The following GNAL variants were observed in gnomAD, a reference collection of about 807,000 sequenced individuals.
GNAL encodes the protein guanine nucleotide-binding protein G(olf) subunit alpha.
A neutral mutation model predicts 55.1 loss-of-function variants in GNAL; 18 were observed. The ratio of observed to expected loss-of-function variants is 0.33; its 90% CI spans 0.23 to 0.48. The LOEUF is 0.48. Among genes scored for constraint, GNAL ranks in the 20% least tolerant of loss-of-function variants. The pLI is 0.99. For synonymous variants in GNAL, 253 were observed against 237.0 expected (o/e 1.07, Z -0.62); for missense variants, 412 against 614.1 (o/e 0.67, Z 3.48).
At chr18:11,867,353 T>C in intron 8 of GNAL, 127 bp downstream of exon 8, 1 of 696,480 alleles carries the variant, frequency 1.4e-6, no homozygotes, top group Non-Finnish European at 2.5e-6. Flanking sequence ...TAGATTATGA[T>C]GCTCCTTCCT....
At chr18:11,741,440 G>GC (rs761577530) in intron 1 of GNAL, among the ~76,000 whole-genome samples, 5 of 152,190 alleles carry the variant, frequency 3.3e-5, no homozygotes, top group Non-Finnish European at 5.9e-5. Context: ...TGTTTTTTAT[G>GC]CACTTGTAGA....
chr18:11,740,415 G>A (rs2032552725), intron 1 of GNAL, among the ~76,000 whole-genome samples: 2 of 152,084 alleles, frequency 1.3e-5, no homozygotes, highest in Admixed American at 6.5e-5. Context: ...TGCTACTGGA[G>A]AGTCTTCACT....
intron 4 of GNAL, among the ~76,000 whole-genome samples, chr18:11,785,645 A>G (rs185232250): frequency 8.3e-4 from 127 of 152,294 alleles, no homozygotes; most frequent in Non-Finnish European, 1.4e-3. Context: ...AGGGAAAAGA[A>G]ATCAGTGCCA....
At chr18:11,822,820 C>CTTTTTTTTTTTTTT (rs56128456) in intron 4 of GNAL, among the ~76,000 whole-genome samples, 2 of 139,708 alleles carry the variant, frequency 1.4e-5, no homozygotes, top group African/African-American at 5.6e-5. Context: ...TTTTTTTTTT[C>CTTTTTTTTTTTTTT]TTTTTTTTTT....
rs773007578 is a variant in GNAL at position 11,800,368 on chromosome 18, C to T, written c.625-24550C>T. On this transcript the variant is annotated intron_variant, in intron 4 of 11. Coordinates refer to ENST00000334049, the MANE Select transcript of GNAL (RefSeq NM_182978.4). The stretch of plus-strand genomic sequence containing the variant: ...CTTGTGGGGGTAACATTGCAAACTG[C>T]GAATTGGGAGAATTGCTGAACATGT... Among the ~76,000 whole-genome samples the T allele has an allele frequency of 3.9e-5, 6 of 152,232 alleles. No homozygotes were observed. In the East Asian group the frequency reaches 1.2e-3, roughly 29 times the overall value.
In GNAL at chr18:11,804,738, G is replaced by A. The variant is rs111472476; in HGVS notation, c.625-20180G>A. On this transcript the variant is annotated intron_variant, in intron 4 of 11. Transcript: ENST00000334049. ...TACAGGAGCGGTTTGAGTGGGACACGGAGATACTGTGTAGTGGTGAAGTAC... is the reference window on the plus strand; with the variant it reads ...TACAGGAGCGGTTTGAGTGGGACACAGAGATACTGTGTAGTGGTGAAGTAC... Among the ~76,000 whole-genome samples the A allele has an allele frequency of 3.8e-5, 5 of 131,294 alleles. 1 individual carries two copies. The highest frequency in any genetic ancestry group is 2.5e-4 in the South Asian group (1 of 3,980). The allele number at this position is 131,294 out of a possible 152,430, so 86.1% of individuals were successfully genotyped here. A position where few individuals can be genotyped will look rare whatever the true frequency, so the allele number is the denominator to read the frequency against.
At chr18:11,864,395 T>C (rs1172443515) in intron 6 of GNAL, 138 bp from the exon 7 acceptor site, 15 of 671,902 alleles carry the variant, frequency 2.2e-5, no homozygotes, top group Non-Finnish European at 4.2e-5. Flanking sequence ...GCTCGGCCAA[T>C]GTTGGTTCTT....
chr18:11,826,460 C>A (rs975304276), intron 5 of GNAL, among the ~76,000 whole-genome samples: 4 of 152,050 alleles, frequency 2.6e-5, no homozygotes, highest in Non-Finnish European at 5.9e-5. Flanking sequence ...GCCAGACACC[C>A]CCAGGGCTGA....
chr18:11,854,783 A>G (rs1232370104), intron 5 of GNAL, among the ~76,000 whole-genome samples: 1 of 152,144 alleles, frequency 6.6e-6, no homozygotes, highest in Non-Finnish European at 1.5e-5. Context: ...CTCAGTCTCA[A>G]AAAAAGGAAA....
chr18:11,860,191 C>G (rs2036100690), intron 5 of GNAL, among the ~76,000 whole-genome samples: 1 of 152,182 alleles, frequency 6.6e-6, no homozygotes, highest in Non-Finnish European at 1.5e-5. Flanking sequence ...CTATGAAAGG[C>G]CATCCCAAAC....
intron 1 of GNAL, among the ~76,000 whole-genome samples, chr18:11,697,205 T>C (rs937919035): frequency 6.6e-6 from 1 of 152,198 alleles, no homozygotes; most frequent in Non-Finnish European, 1.5e-5. Context: ...AGCCAGTGAC[T>C]GTGAGGCCAG....
At chr18:11,771,551 T>C (rs1429205340) in intron 4 of GNAL, among the ~76,000 whole-genome samples, 1 of 152,124 alleles carries the variant, frequency 6.6e-6, no homozygotes, top group African/African-American at 2.4e-5. Flanking sequence ...CACACTGTCA[T>C]GTTGGCAAGG....
chr18:11,710,173 G>A (rs182437640), intron 1 of GNAL, among the ~76,000 whole-genome samples: 132 of 152,236 alleles, frequency 8.7e-4, no homozygotes, highest in African/African-American at 3.0e-3. Context: ...TAGTGCTGTT[G>A]AGTTCAGTTT....
At chr18:11,790,680 A>ATG (rs2034209663) in intron 4 of GNAL, among the ~76,000 whole-genome samples, 1 of 103,924 alleles carries the variant, frequency 9.6e-6, no homozygotes, top group Non-Finnish European at 1.8e-5. Context: ...TTTTTTTGAG[A>ATG]CAGTCTTGCT....
At chr18:11,738,518 G>C (rs991123461) in intron 1 of GNAL, among the ~76,000 whole-genome samples, 1 of 152,028 alleles carries the variant, frequency 6.6e-6, no homozygotes, top group Non-Finnish European at 1.5e-5. Flanking sequence ...CCCTATCTCA[G>C]CTCACTGCAA....
intron 3 of GNAL, 34 bp downstream of exon 3, chr18:11,753,716 A>G: frequency 1.3e-6 from 2 of 1,497,878 alleles, no homozygotes; most frequent in Middle Eastern, 1.7e-4. Flanking sequence ...TTTACTAGAA[A>G]GGTCAAGTGC....
Position 11,876,637 on chromosome 18 carries a change from A to G in GNAL, c.1179A>G (p.Gly393=). 6.2e-7 allele frequency: 1 copy of G among 1,602,560 alleles called. No homozygotes were observed. The highest frequency in any genetic ancestry group is 8.6e-7 in the Non-Finnish European group (1 of 1,169,396). The part of the protein sequence containing the change: ...TVPEDATPDA[G]EDPKVTRAKF... Reference sequence around the variant, plus strand: ...TTTCTACAGCAACACCAGATGCAGGAGAAGATCCCAAAGTTACAAGAGCCA... The same window carrying G: ...TTTCTACAGCAACACCAGATGCAGGGGAAGATCCCAAAGTTACAAGAGCCA... The change falls in exon 11 of 12, where the codon GGA becomes GGG. Residue 393 remains glycine (G), a synonymous_variant. Transcript: ENST00000334049.
At chr18:11,722,824 C>G (rs752738567) in intron 1 of GNAL, among the ~76,000 whole-genome samples, 44 of 152,050 alleles carry the variant, frequency 2.9e-4, no homozygotes, top group Non-Finnish European at 6.2e-4. Context: ...CCAGCCTGAC[C>G]AACATGGAGA....
intron 4 of GNAL, among the ~76,000 whole-genome samples, chr18:11,805,229 G>C (rs1007208300): frequency 1.0e-4 from 15 of 149,192 alleles, no homozygotes; most frequent in African/African-American, 3.7e-4. Context: ...ATACTGTGTA[G>C]TGGTGAAGTA....
Sources: gnomAD v4.1 joint callset for allele counts (sites outside exome capture counted in the v4.1 genomes callset) on GRCh38, gnomAD v4.1.1 for gene constraint, MANE v1.5 for transcripts, NCBI Gene and HGNC (gene_info 2026-07-23, HGNC 2026-07-21) for gene names.